PRKD1: variants seen among roughly 807,000 people sequenced by gnomAD.
PRKD1 encodes the protein protein kinase D1.
A neutral mutation model predicts 95.9 loss-of-function variants in PRKD1; 63 were observed. The ratio of observed to expected loss-of-function variants is 0.66; its 90% confidence interval spans 0.54 to 0.81. The LOEUF is 0.81. PRKD1 is among the 30% of genes least tolerant of loss of function. The pLI is 0.00. For missense variants in PRKD1, 1,048 were observed against 1,165.3 expected (o/e 0.90, Z 1.47); for synonymous variants, 425 against 423.1 (o/e 1.00, Z -0.05).
At chr14:29,788,432 G>T (rs973286337) in intron 1 of PRKD1, among the ~76,000 whole-genome samples, 3 of 152,082 alleles carry the variant, frequency 2.0e-5, no homozygotes, top group African/African-American at 7.2e-5. Context: ...GGAGATTTTT[G>T]ACCTTCCTTA....
At chr14:29,790,778 C>T (rs1448111577) in intron 1 of PRKD1, among the ~76,000 whole-genome samples, 1 of 152,156 alleles carries the variant, frequency 6.6e-6, no homozygotes, top group East Asian at 1.9e-4. Flanking sequence ...TAAGCTTTAA[C>T]TATACACAAA....
rs569035674 is a variant in PRKD1 at position 29,831,571 on chromosome 14, C to T, written c.264+95678G>A. Among the ~76,000 whole-genome samples the T allele has an allele frequency of 1.1e-3, 162 of 151,674 alleles. 3 individuals are homozygous for T. Among genetic ancestry groups the T allele is most frequent in the African/African-American group, 3.4e-3 (142 of 41,378 alleles). ...GCAACCTCCATCTCCCAGGTTCAAG[C>T]GATTCTCCTGTCTCAGCCTCCCAAG... is the stretch of plus-strand genomic sequence containing the variant. On this transcript the variant is annotated intron_variant, in intron 1 of 17. Coordinates refer to ENST00000331968, the MANE Select transcript of PRKD1 (RefSeq NM_002742.3).
intron 2 of PRKD1, among the ~76,000 whole-genome samples, chr14:29,669,844 G>A (rs1380240555): frequency 6.6e-6 from 1 of 152,138 alleles, no homozygotes; most frequent in Non-Finnish European, 1.5e-5. Context: ...CTCCAGCCTG[G>A]ACAACAGAGT....
chr14:29,679,039 A>G (rs1262961339), intron 2 of PRKD1, among the ~76,000 whole-genome samples: 1 of 152,224 alleles, frequency 6.6e-6, no homozygotes, highest in African/African-American at 2.4e-5. Context: ...GACTCTTTTT[A>G]AGTATTTGTC....
intron 1 of PRKD1, among the ~76,000 whole-genome samples, chr14:29,816,740 G>A (rs1488474317): frequency 1.3e-5 from 2 of 152,084 alleles, no homozygotes; most frequent in Non-Finnish European, 2.9e-5. Flanking sequence ...TATTTCAATG[G>A]ATTGTAAAAG....
At chr14:29,819,995 A>G (rs1368468333) in intron 1 of PRKD1, among the ~76,000 whole-genome samples, 1 of 152,212 alleles carries the variant, frequency 6.6e-6, no homozygotes, top group African/African-American at 2.4e-5. Flanking sequence ...TCAAGTCTCA[A>G]AAGATGTTGG....
At chr14:29,633,496 A>G (rs1325061615) in intron 8 of PRKD1, among the ~76,000 whole-genome samples, 4 of 152,208 alleles carry the variant, frequency 2.6e-5, no homozygotes, top group Non-Finnish European at 1.5e-5. Context: ...GGAATGCATC[A>G]AACAACCAAC....
At chr14:29,824,721 T>C in intron 1 of PRKD1, among the ~76,000 whole-genome samples, 1 of 152,180 alleles carries the variant, frequency 6.6e-6, no homozygotes, top group East Asian at 1.9e-4. Flanking sequence ...TCAGATACCC[T>C]GTTAAATACA....
At chr14:29,774,928 G>A (rs537956531) in intron 1 of PRKD1, among the ~76,000 whole-genome samples, 7 of 152,268 alleles carry the variant, frequency 4.6e-5, no homozygotes, top group African/African-American at 1.7e-4. Flanking sequence ...TCAGGGGAGA[G>A]GTTGGAAAAC....
In PRKD1 at chr14:29,577,413, A is replaced by T. The variant is rs569529923; in HGVS notation, c.2564T>A (p.Ile855Asn). 2.6e-4 allele frequency: 426 copies of T among 1,613,708 alleles called. 4 individuals carry two copies. In the South Asian group the frequency reaches 4.4e-3, roughly 17 times the overall value. ...TTCATGGGTGATGTAGCGCTCCCCG[A>T]TTTTGCATTCCAGCTCTCGCAAATC... ...WLDLRELECK[I>N]GERYITHESD... The change falls in exon 18 of 18, where the codon ATC becomes AAC. Residue 855 changes from isoleucine to asparagine, a missense_variant. This residue lies in a region of PRKD1 where 739 missense variants were observed against 861.9 expected (regional missense o/e 0.86). Transcript: ENST00000331968.
chr14:29,595,717 C>T (rs2139001306), intron 16 of PRKD1, among the ~76,000 whole-genome samples: 1 of 152,302 alleles, frequency 6.6e-6, no homozygotes, highest in South Asian at 2.1e-4. Context: ...TGTTCCACTA[C>T]TCCTAGAAAA....
In PRKD1 at chr14:29,807,392, C is replaced by CT. The variant is rs201547348; in HGVS notation, c.265-81719dup. On this transcript the variant is annotated intron_variant, in intron 1 of 17. Transcript: ENST00000331968. ...GCTGAGGTGGCTGTAGCAATTTCCTCTTTTTTTAAAAAAAAAAAAATTGAG... is the reference window on the plus strand; with the variant it reads ...GCTGAGGTGGCTGTAGCAATTTCCTCTTTTTTTTAAAAAAAAAAAAATTGAG... Among the ~76,000 whole-genome samples the CT allele has an allele frequency of 3.3e-4, 50 of 151,352 alleles. No homozygotes were observed. The East Asian group carries it at 6.8e-3, about 21-fold the overall frequency.
At chr14:29,637,838 CTTTCCAGAGGAATTGGAAAACTGGTA>C (rs1880485926) in intron 6 of PRKD1, among the ~76,000 whole-genome samples, 1 of 152,150 alleles carries the variant, frequency 6.6e-6, no homozygotes, top group Non-Finnish European at 1.5e-5. Context: ...AGCCATTTTC[CTTTCCAGAGGAATTGGAAAACTGGTA>C]TCAGGCTAAA....
At chr14:29,617,936 T>TG (rs1878978591) in intron 13 of PRKD1, among the ~76,000 whole-genome samples, 1 of 151,610 alleles carries the variant, frequency 6.6e-6, no homozygotes, top group African/African-American at 2.4e-5. Flanking sequence ...CCAAGCTTGG[T>TG]GGGGCATGCC....
intron 13 of PRKD1, among the ~76,000 whole-genome samples, chr14:29,608,716 A>G (rs1361825554): frequency 1.3e-5 from 2 of 152,166 alleles, no homozygotes; most frequent in South Asian, 4.1e-4. Flanking sequence ...TCTAAGGTCA[A>G]TTAAGGGAAA....
intron 2 of PRKD1, among the ~76,000 whole-genome samples, chr14:29,703,055 T>C (rs1309971909): frequency 6.6e-6 from 1 of 152,190 alleles, no homozygotes; most frequent in Non-Finnish European, 1.5e-5. Context: ...AAGATTTTCT[T>C]TGCCACGTGG....
At chr14:29,685,957 T>C (rs1204484311) in intron 2 of PRKD1, among the ~76,000 whole-genome samples, 1 of 152,154 alleles carries the variant, frequency 6.6e-6, no homozygotes, top group African/African-American at 2.4e-5. Flanking sequence ...TTGGGGAAAA[T>C]GTTTATTTCC....
chr14:29,907,822 T>G (rs985186203), intron 1 of PRKD1, among the ~76,000 whole-genome samples: 1 of 148,442 alleles, frequency 6.7e-6, no homozygotes, highest in Non-Finnish European at 1.5e-5. Context: ...TAAAATGGAG[T>G]TTTTTACTAC....
chr14:29,606,386 T>G (rs1295817862), intron 13 of PRKD1, among the ~76,000 whole-genome samples: 1 of 152,180 alleles, frequency 6.6e-6, no homozygotes, highest in Non-Finnish European at 1.5e-5. Flanking sequence ...TGAGTTGCAA[T>G]GATTTCTCTA....
Sources: allele counts gnomAD v4.1 joint callset (sites outside exome capture counted in the v4.1 genomes callset), GRCh38; gene constraint gnomAD v4.1.1; regional missense constraint gnomAD v4.1.1; transcripts MANE v1.5; gene names NCBI Gene and HGNC (gene_info 2026-07-23, HGNC 2026-07-21).